Variants in GRM7 observed in about 807,000 individuals in gnomAD.
The protein encoded by GRM7 is metabotropic glutamate receptor 7.
In GRM7, 35 loss-of-function variants were observed where a neutral mutation model predicts 84.5. The ratio of observed to expected loss-of-function variants is 0.41; its 90% CI spans 0.32 to 0.55. The LOEUF (loss-of-function observed/expected upper bound fraction) is 0.55. Ranked by LOEUF, GRM7 falls within the 20% of genes least tolerant of loss-of-function variation. The pLI is 0.19. For missense variants in GRM7, 1,003 were observed against 1,194.6 expected, an observed-to-expected ratio of 0.84 and a Z score of 2.36; for synonymous variants, 487 against 455.1, an observed-to-expected ratio of 1.07 and a Z score of -0.89.
chr3:7,507,526 T>A (rs1385427954), intron 7 of GRM7, among the ~76,000 whole-genome samples: 1 of 152,246 alleles, frequency 6.6e-6, no homozygotes, highest in Non-Finnish European at 1.5e-5. Flanking sequence ...TGATAAGGTA[T>A]GCAAGCTAAT....
chr3:7,028,236 T>C (rs1332200975), intron 1 of GRM7, among the ~76,000 whole-genome samples: 1 of 152,234 alleles, frequency 6.6e-6, no homozygotes, highest in Non-Finnish European at 1.5e-5. Context: ...TGGTTTATAA[T>C]GTCATATAAT....
chr3:7,146,709 C>A, intron 2 of GRM7, 41 bp downstream of exon 2: 1 of 1,397,258 alleles, frequency 7.2e-7, no homozygotes, highest in Non-Finnish European at 1.0e-6. Context: ...TCTCTTCAAA[C>A]GTCTGTGGCT....
intron 8 of GRM7, among the ~76,000 whole-genome samples, chr3:7,666,071 C>T (rs1699688207): frequency 6.6e-6 from 1 of 152,098 alleles, no homozygotes; most frequent in African/African-American, 2.4e-5. Flanking sequence ...ATGATAATTA[C>T]TGATGATTAT....
intron 1 of GRM7, among the ~76,000 whole-genome samples, chr3:6,876,724 C>T (rs1695318915): frequency 6.6e-6 from 1 of 151,522 alleles, no homozygotes; most frequent in Non-Finnish European, 1.5e-5. Context: ...GCCTCAGCCA[C>T]TGGAGAAGCT....
At chr3:7,002,116 A>C (rs1053931553) in intron 1 of GRM7, among the ~76,000 whole-genome samples, 3 of 152,224 alleles carry the variant, frequency 2.0e-5, no homozygotes, top group Non-Finnish European at 2.9e-5. Context: ...AGTTTAAAAA[A>C]TTTGGGAAGT....
At chr3:6,956,562 C>T (rs1214257316) in intron 1 of GRM7, 1 of 456,648 alleles carries the variant, frequency 2.2e-6, no homozygotes, top group South Asian at 1.5e-5. Flanking sequence ...CTTCTGTTCT[C>T]CTAGGGAGAT....
intron 2 of GRM7, among the ~76,000 whole-genome samples, chr3:7,169,138 A>G (rs1694901330): frequency 6.6e-6 from 1 of 152,100 alleles, no homozygotes; most frequent in Admixed American, 6.5e-5. Flanking sequence ...AATTGCTTTC[A>G]TTCAAATCTT....
At chr3:7,447,373 T>C (rs1697562285) in intron 5 of GRM7, among the ~76,000 whole-genome samples, 1 of 152,212 alleles carries the variant, frequency 6.6e-6, no homozygotes, top group South Asian at 2.1e-4. Context: ...TGTTTAATGC[T>C]AGTCCCTTAG....
chr3:7,286,205 A>G (rs1297222062), intron 2 of GRM7, among the ~76,000 whole-genome samples: 1 of 152,166 alleles, frequency 6.6e-6, no homozygotes, highest in Non-Finnish European at 1.5e-5. Flanking sequence ...ACCCATATTC[A>G]TTGTTACAAG....
At chr3:7,079,108 G>A (rs570267101) in intron 1 of GRM7, among the ~76,000 whole-genome samples, 100 of 152,096 alleles carry the variant, frequency 6.6e-4, no homozygotes, top group African/African-American at 2.1e-3. Context: ...TGTTCTCTAC[G>A]TTCATTTATC....
At chr3:7,235,593 G>C (rs891046843) in intron 2 of GRM7, among the ~76,000 whole-genome samples, 1 of 152,124 alleles carries the variant, frequency 6.6e-6, no homozygotes, top group Non-Finnish European at 1.5e-5. Context: ...ATTCTTTACG[G>C]AGAGTGGCAG....
intron 1 of GRM7, among the ~76,000 whole-genome samples, chr3:6,880,999 C>A (rs1163451266): frequency 2.0e-5 from 3 of 152,120 alleles, no homozygotes; most frequent in Non-Finnish European, 4.4e-5. Context: ...GCTTAGCAAT[C>A]AGTTTTCTGC....
At chr3:7,072,807 T>C (rs1398620737) in intron 1 of GRM7, among the ~76,000 whole-genome samples, 1 of 152,240 alleles carries the variant, frequency 6.6e-6, no homozygotes, top group African/African-American at 2.4e-5. Flanking sequence ...AGGATATTGA[T>C]AGAAAGGATA....
chr3:7,358,815 TA>T (rs1423162465), intron 4 of GRM7, among the ~76,000 whole-genome samples: 3 of 152,100 alleles, frequency 2.0e-5, no homozygotes, highest in African/African-American at 7.2e-5. Context: ...GTAAGTATTT[TA>T]TAAACTTAGA....
chr3:7,029,861 T>G (rs1201076153), intron 1 of GRM7, among the ~76,000 whole-genome samples: 1 of 152,216 alleles, frequency 6.6e-6, no homozygotes, highest in African/African-American at 2.4e-5. Context: ...AATTATAAAT[T>G]TTATGTTGTG....
intron 4 of GRM7, among the ~76,000 whole-genome samples, chr3:7,344,636 C>T (rs1217150822): frequency 6.6e-6 from 1 of 151,964 alleles, no homozygotes; most frequent in Non-Finnish European, 1.5e-5. Flanking sequence ...ATGGAAGAAC[C>T]TGGAGTGCAT....
intron 1 of GRM7, among the ~76,000 whole-genome samples, chr3:6,910,151 T>C (rs925445290): frequency 2.6e-5 from 4 of 151,986 alleles, no homozygotes; most frequent in Non-Finnish European, 5.9e-5. Context: ...AAATTAATAT[T>C]TAGTAGATAG....
intron 8 of GRM7, among the ~76,000 whole-genome samples, chr3:7,679,242 A>G (rs1700261237): frequency 1.3e-5 from 2 of 152,198 alleles, no homozygotes; most frequent in African/African-American, 4.8e-5. Context: ...TTGAATGAGT[A>G]CAGTTCATTC....
intron 7 of GRM7, among the ~76,000 whole-genome samples, chr3:7,464,751 C>T (rs2124913205): frequency 6.6e-6 from 1 of 151,356 alleles, no homozygotes; most frequent in South Asian, 2.1e-4. Flanking sequence ...TGGCATGAAC[C>T]CAGGAGGTGG....
Sources: allele counts gnomAD v4.1 joint callset (sites outside exome capture counted in the v4.1 genomes callset), GRCh38; gene constraint gnomAD v4.1.1; transcripts MANE v1.5; gene names NCBI Gene and HGNC (gene_info 2026-07-23, HGNC 2026-07-21).